Variants in TMEM18 observed in about 807,000 individuals in gnomAD.
The protein encoded by TMEM18 is transmembrane protein 18.
TMEM18 carries 14 observed loss-of-function variants against 17.4 expected under a neutral mutation model. The observed-to-expected ratio is 0.80, with a 90% CI of 0.53 to 1.25. The LOEUF is 1.25. TMEM18 is among the 50% of genes most tolerant of loss of function. The probability of loss-of-function intolerance (pLI) is 0.00; values close to 1 mark genes in which losing one functional copy is unlikely to be tolerated. For synonymous variants in TMEM18, 86 were observed against 66.1 expected, an observed-to-expected ratio of 1.30 and a Z score of -1.46; for missense variants, 187 against 172.1, an observed-to-expected ratio of 1.09 and a Z score of -0.48.
chr2:675,742 C>T (rs1678987523), intron 1 of TMEM18, 112 bp from the exon 2 acceptor site: 1 of 1,539,782 alleles, frequency 6.5e-7, no homozygotes. Flanking sequence ...CTCCTGAGTC[C>T]TCCTGGGCTA....
rs1678789188 is a variant in TMEM18, at chr2:669,760, A to G, written c.324T>C (p.Ile108=). 2 of 1,614,130 alleles carry G rather than the reference A, an allele frequency of 1.2e-6. No homozygotes were observed. Among genetic ancestry groups the G allele is most frequent in the East Asian group, 4.5e-5 (2 of 44,880 alleles). ...SAPLLVNAMI[I]VVMWVWKTLN... ...ACTGAAAGTGTCATCTACGTACCAC[A>G]ATGATCATGGCATTCACCAGCAGTG... Residue 108 remains isoleucine (I), a synonymous_variant, in exon 4 of 5, where the codon ATT becomes ATC. Coordinates refer to ENST00000281017, the MANE Select transcript of TMEM18 (RefSeq NM_152834.4).
intron 2 of TMEM18, among the ~76,000 whole-genome samples, chr2:673,737 G>A (rs914763339): frequency 6.8e-6 from 1 of 147,090 alleles, no homozygotes; most frequent in Non-Finnish European, 1.5e-5. Context: ...AGGGGAGGGA[G>A]GAGGAGGAGG....
In TMEM18 at chr2:669,863, C is replaced by A. The variant is rs1284592069; in HGVS notation, c.234-13G>T. ...TTTCGAAAATAATCTGTTTAAAAAA[C>A]AAAAACAAAAAATTACTAGGCAATA... is the stretch of plus-strand genomic sequence containing the variant. On this transcript the variant is annotated splice_polypyrimidine_tract_variant and intron_variant, in intron 3 of 4. Transcript: ENST00000281017. The A allele has an allele frequency of 6.3e-7, 1 of 1,597,058 alleles. No homozygotes were observed. Among genetic ancestry groups the A allele is most frequent in the African/African-American group, 1.4e-5 (1 of 73,728 alleles).
At position 668,310 on chromosome 2, in the gene TMEM18, GCA is replaced by G. The variant is rs1678747294; in HGVS notation, c.*1268_*1269del. ...ATGGTGAAAATGTTATACTAAAAAT[GCA>G]CAGTCTCTACAAACTCCCTGGTTTC... is the stretch of plus-strand genomic sequence containing the variant. On this transcript the variant is annotated 3_prime_UTR_variant, in exon 5 of 5. Coordinates refer to ENST00000281017, the MANE Select transcript of TMEM18 (RefSeq NM_152834.4). The G allele has an allele frequency of 6.6e-6, 1 of 152,234 alleles. No homozygotes were observed. Among genetic ancestry groups the G allele is most frequent in the Admixed American group, 6.5e-5 (1 of 15,278 alleles). The allele number at this position is 152,234 out of a possible 1,614,324, so 9.4% of individuals were successfully genotyped here.
rs541236506 is a variant in TMEM18 at position 676,635 on chromosome 2, C to G, written c.57+654G>C. On this transcript the variant is annotated intron_variant, in intron 1 of 4. Coordinates refer to ENST00000281017, the MANE Select transcript of TMEM18 (RefSeq NM_152834.4). ...CTTTCTGCCCAGACCCCATCGAGTG[C>G]CCATGTCACCCCTTGGCGGCCACGT... 3.1e-4 allele frequency: 474 copies of G among 1,550,126 alleles called. 1 individual carries two copies. The African/African-American group carries it at 5.7e-3, about 19-fold the overall frequency.
chr2:665,124 T>C lies in TMEM18; in HGVS notation c.*4456A>G, dbSNP rs189374467. On this transcript the variant is annotated 3_prime_UTR_variant, in exon 5 of 5. Coordinates refer to ENST00000281017, the MANE Select transcript of TMEM18 (RefSeq NM_152834.4). Reference sequence around the variant, plus strand: ...CATGGAGGGCCAAGCTGTGAGTGAGTTGGGCTTAGGGATCCATAAACCCAG... The same window carrying C: ...CATGGAGGGCCAAGCTGTGAGTGAGCTGGGCTTAGGGATCCATAAACCCAG... Among the ~76,000 whole-genome samples the C allele has an allele frequency of 4.3e-3, 661 of 152,290 alleles. 1 individual carries two copies. Among genetic ancestry groups the C allele is most frequent in the African/African-American group, 6.7e-3 (280 of 41,550 alleles).
At chr2:673,761 TGGGGGGGAA>T (rs1315554329) in intron 2 of TMEM18, among the ~76,000 whole-genome samples, 1 of 26,986 alleles carries the variant, frequency 3.7e-5, no homozygotes, top group African/African-American at 1.5e-4. Flanking sequence ...AGGGGGAGGA[TGGGGGGGAA>T]GGAGAGGAAG....
At chr2:672,039 T>G (rs1478927265) in intron 3 of TMEM18, among the ~76,000 whole-genome samples, 4 of 152,010 alleles carry the variant, frequency 2.6e-5, no homozygotes, top group Non-Finnish European at 5.9e-5. Context: ...AGGCGGGGTC[T>G]AAGCAAAGGA....
rs1361177715 is a variant in TMEM18, at chr2:667,945, G to A, written c.*1635C>T. 1.3e-5 allele frequency: 2 copies of A among 152,174 alleles called. No homozygotes were observed. Among genetic ancestry groups the A allele is most frequent in the African/African-American group, 4.8e-5 (2 of 41,450 alleles). 9.4% of individuals were successfully genotyped at this position (152,174 alleles called of 1,614,324 possible). ...TGTTTAATTAGTCTGTTCTCACACT[G>A]CTATAAAGATACTACCTGAGACCTG... is the stretch of plus-strand genomic sequence containing the variant. On this transcript the variant is annotated 3_prime_UTR_variant, in exon 5 of 5. Transcript: ENST00000281017.
Position 675,450 on chromosome 2 carries a change from C to T in TMEM18, c.178+60G>A, listed in dbSNP as rs1678971758. The T allele has an allele frequency of 3.1e-6, 5 of 1,611,068 alleles. No homozygotes were observed. The Admixed American group carries it at 6.7e-5, about 22-fold the overall frequency. ...ATATATTTCGAAGACACAGACAGAA[C>T]ATACACAGTTTCATTTCACACAGTG... On this transcript the variant is annotated intron_variant, in intron 2 of 4. Coordinates refer to ENST00000281017, the MANE Select transcript of TMEM18 (RefSeq NM_152834.4).
At position 667,695 on chromosome 2, in the gene TMEM18, TTAAAAA is replaced by T. The variant is rs1180215319; in HGVS notation, c.*1879_*1884del. The T allele has an allele frequency of 1.3e-5, 2 of 152,176 alleles. No homozygotes were observed. The highest frequency in any genetic ancestry group is 2.4e-5 in the African/African-American group (1 of 41,432). 9.4% of individuals were successfully genotyped at this position (152,176 alleles called of 1,614,324 possible). On this transcript the variant is annotated 3_prime_UTR_variant, in exon 5 of 5. Coordinates refer to ENST00000281017, the MANE Select transcript of TMEM18 (RefSeq NM_152834.4). ...CATTGAATATAAACTTACTACACAGTTAAAAATAAAGTGAAGGTTGTTTTTACAAAA... is the reference window on the plus strand; with the variant it reads ...CATTGAATATAAACTTACTACACAGTTAAAGTGAAGGTTGTTTTTACAAAA...
chr2:667,174 G>T lies in TMEM18; in HGVS notation c.*2406C>A, dbSNP rs2966398. On this transcript the variant is annotated 3_prime_UTR_variant, in exon 5 of 5. Transcript: ENST00000281017. ...CAAGTAGACTTTCTTCTACTGGCAA[G>T]GACACAATTGCATTTGTTTGTTAAA... Among the ~76,000 whole-genome samples, 125,485 of 152,022 alleles carry T rather than the reference G, an allele frequency of 0.83. 51,842 individuals are homozygous for T. The highest frequency in any genetic ancestry group is 0.87 in the Middle Eastern group (255 of 294).
At chr2:676,096 T>C in intron 1 of TMEM18, 1 of 1,321,862 alleles carries the variant, frequency 7.6e-7, no homozygotes. Context: ...TCAGACTCCT[T>C]AGTCAGCACT....
Position 675,553 on chromosome 2 carries a change from G to C in TMEM18, c.135C>G (p.Ser45=), listed in dbSNP as rs1254107698. The C allele has an allele frequency of 2.5e-6, 4 of 1,614,268 alleles. No homozygotes were observed. ...CGATCTGTAGTCTGTAGCTTCGGGAGGACAAGCAGGTGAGGAGCACGCAGA... is the reference window on the plus strand; with the variant it reads ...CGATCTGTAGTCTGTAGCTTCGGGACGACAAGCAGGTGAGGAGCACGCAGA... ...HALCVLLTCL[S]SRSYRLQIGH... is the part of the protein sequence containing the mutation. Residue 45 remains serine (S), a synonymous_variant, in exon 2 of 5, where the codon TCC becomes TCG. Coordinates refer to ENST00000281017, the MANE Select transcript of TMEM18 (RefSeq NM_152834.4).
intron 2 of TMEM18, among the ~76,000 whole-genome samples, chr2:674,542 G>A (rs1301036927): frequency 6.6e-6 from 1 of 152,204 alleles, no homozygotes; most frequent in East Asian, 1.9e-4. Flanking sequence ...GGGAGGCAAA[G>A]GAGCCCTGTC....
In TMEM18 at chr2:669,641, G is replaced by A. The variant is rs756056189; in HGVS notation, c.362C>T (p.Thr121Ile). 1.2e-6 allele frequency: 2 copies of A among 1,614,014 alleles called. No homozygotes were observed. Among genetic ancestry groups the A allele is most frequent in the South Asian group, 2.2e-5 (2 of 91,092 alleles). Residue 121 changes from threonine to isoleucine, a missense_variant, in exon 5 of 5, where the codon ACT becomes ATT. Thr to Ile is a moderately conservative substitution (Grantham distance 89, BLOSUM62 -1). Transcript: ENST00000281017. ...TCTCTCTTGTGCATTCTTCAGGTCA[G>A]TCATCACATTCAAAGTCTTCCATAC... is the stretch of plus-strand genomic sequence containing the variant. ...MWVWKTLNVM[T>I]DLKNAQERRK...
chr2:668,803 G>A lies in TMEM18; in HGVS notation c.*777C>T, dbSNP rs1331826934. ...AGCACCTAAATCAACAGAACACCAG[G>A]ACATTAGGAAAGACACGCTTCTCCA... On this transcript the variant is annotated 3_prime_UTR_variant, in exon 5 of 5. Coordinates refer to ENST00000281017, the MANE Select transcript of TMEM18 (RefSeq NM_152834.4). 6.6e-6 allele frequency: 1 copy of A among 152,238 alleles called. No individual in the cohort carries two copies. The highest frequency in any genetic ancestry group is 2.4e-5 in the African/African-American group (1 of 41,464). The allele number at this position is 152,238 out of a possible 1,614,324, so 9.4% of individuals were successfully genotyped here.
At position 665,367 on chromosome 2, in the gene TMEM18, T is replaced by C. The variant is rs1678656600; in HGVS notation, c.*4213A>G. 1.5e-5 allele frequency among the ~76,000 whole-genome samples: 2 copies of C among 134,378 alleles called. No homozygotes were observed. The highest frequency in any genetic ancestry group is 5.8e-5 in the African/African-American group (2 of 34,466). 88.2% of individuals were successfully genotyped at this position (134,378 alleles called of 152,430 possible). A position where few individuals can be genotyped will look rare whatever the true frequency, so the allele number is the denominator to read the frequency against. The stretch of plus-strand genomic sequence containing the variant: ...ACTCAGATAGAGAATCAACCCCACA[T>C]AAACTAGAACCCAGAGATGCAGATG... On this transcript the variant is annotated 3_prime_UTR_variant, in exon 5 of 5. Coordinates refer to ENST00000281017, the MANE Select transcript of TMEM18 (RefSeq NM_152834.4).
In TMEM18 at chr2:667,285, G is replaced by A. The variant is rs546925695; in HGVS notation, c.*2295C>T. ...GTGCTCCTGTTTCCAGTTACAGTAAGGTGCAAAACAAATACCATTTTTTTG... is the reference window on the plus strand; with the variant it reads ...GTGCTCCTGTTTCCAGTTACAGTAAAGTGCAAAACAAATACCATTTTTTTG... On this transcript the variant is annotated 3_prime_UTR_variant, in exon 5 of 5. Coordinates refer to ENST00000281017, the MANE Select transcript of TMEM18 (RefSeq NM_152834.4). 2.0e-5 allele frequency: 3 copies of A among 151,448 alleles called. No homozygotes were observed. The highest frequency in any genetic ancestry group is 2.0e-4 in the Admixed American group (3 of 15,212). 9.4% of individuals were successfully genotyped at this position (151,448 alleles called of 1,614,324 possible).
Sources: gnomAD v4.1 joint callset for allele counts (sites outside exome capture counted in the v4.1 genomes callset) on GRCh38, gnomAD v4.1.1 for gene constraint, MANE v1.5 for transcripts, NCBI Gene and HGNC (gene_info 2026-07-23, HGNC 2026-07-21) for gene names.